Variants in PRELID2 observed in about 807,000 individuals in gnomAD.
The protein encoded by PRELID2 is PRELI domain-containing protein 2.
Under a neutral mutation model 28.4 loss-of-function variants are expected in PRELID2, and 25 were observed. That is an observed-to-expected ratio of 0.88 (90% CI 0.64 to 1.23). The LOEUF (loss-of-function observed/expected upper bound fraction) is 1.23, where lower values mean the gene tolerates loss of function less well. PRELID2 is among the 50% of genes most tolerant of loss of function. PRELID2 has a pLI of 0.00. For synonymous variants in PRELID2, 76 were observed against 71.6 expected (o/e 1.06, Z -0.31); for missense variants, 201 against 214.4 (o/e 0.94, Z 0.39).
At chr5:145,404,081 C>G in the PRELID2 span, among the ~76,000 whole-genome samples, 1 of 152,174 alleles carries the variant, frequency 6.6e-6, no homozygotes, top group African/African-American at 2.4e-5. Context: ...ATATCAACAA[C>G]GGCACCTGTG....
intron 1 of PRELID2, among the ~76,000 whole-genome samples, chr5:145,581,080 G>C (rs149651115): frequency 6.6e-6 from 1 of 151,890 alleles, no homozygotes; most frequent in East Asian, 1.9e-4. Flanking sequence ...GAAAACACCA[G>C]ACTTTTGTCT....
At chr5:145,416,368 A>T in the PRELID2 span, among the ~76,000 whole-genome samples, 1 of 152,090 alleles carries the variant, frequency 6.6e-6, no homozygotes, top group East Asian at 1.9e-4. Flanking sequence ...CAAGGACTTC[A>T]TGTCTAAAAC....
chr5:145,728,760 T>C, intron 1 of PRELID2: 1 of 1,411,400 alleles, frequency 7.1e-7, no homozygotes, highest in Non-Finnish European at 1.0e-6. Flanking sequence ...GAAGGCTTCA[T>C]TTTGTTTTGC....
At chr5:145,327,971 T>C in the PRELID2 span, among the ~76,000 whole-genome samples, 24 of 152,110 alleles carry the variant, frequency 1.6e-4, no homozygotes, top group Non-Finnish European at 2.8e-4. Flanking sequence ...TATGTGATGT[T>C]CCCCTCCCGG....
intron 1 of PRELID2, among the ~76,000 whole-genome samples, chr5:145,577,124 C>G (rs74796977): frequency 0.071 from 10,854 of 152,128 alleles, 578 homozygotes; most frequent in Admixed American, 0.18. Context: ...TCAGACAAAA[C>G]TAGCTTGCAA....
the PRELID2 span, among the ~76,000 whole-genome samples, chr5:145,414,813 T>C: frequency 6.6e-6 from 1 of 152,188 alleles, no homozygotes; most frequent in Non-Finnish European, 1.5e-5. Context: ...CTTGAAATAA[T>C]ATGCAGCACA....
intron 1 of PRELID2, among the ~76,000 whole-genome samples, chr5:145,506,882 T>A (rs752411744): frequency 2.0e-5 from 3 of 152,196 alleles, no homozygotes; most frequent in Non-Finnish European, 2.9e-5. Context: ...TGACCACCTG[T>A]GCTCAGGTCA....
chr5:145,751,925 T>C (rs956061254), downstream of PRELID2, among the ~76,000 whole-genome samples: 4 of 152,152 alleles, frequency 2.6e-5, no homozygotes, highest in Admixed American at 6.5e-5. Context: ...GAGGTTGCAG[T>C]GAGCTGAGAT....
chr5:145,375,163 T>TTC, the PRELID2 span, among the ~76,000 whole-genome samples: 502 of 152,176 alleles, frequency 3.3e-3, 4 homozygotes, highest in African/African-American at 0.012. Context: ...AATGCAGTTT[T>TTC]TGTGGGGGCT....
At chr5:145,340,036 C>A in the PRELID2 span, among the ~76,000 whole-genome samples, 2 of 152,230 alleles carry the variant, frequency 1.3e-5, no homozygotes, top group Admixed American at 1.3e-4. Context: ...CACACCTGAG[C>A]ATTCCACCAG....
chr5:145,405,702 G>GTTTT, the PRELID2 span, among the ~76,000 whole-genome samples: 8 of 54,620 alleles, frequency 1.5e-4, no homozygotes, highest in South Asian at 5.2e-4. Context: ...CCACATAGTT[G>GTTTT]TTTTTTTTTT....
intron 1 of PRELID2, among the ~76,000 whole-genome samples, chr5:145,680,929 T>G (rs770949303): frequency 8.5e-5 from 13 of 152,352 alleles, no homozygotes; most frequent in Non-Finnish European, 1.8e-4. Flanking sequence ...GTGCTGTTTT[T>G]ATGAGGAGTT....
intron 4 of PRELID2, among the ~76,000 whole-genome samples, chr5:145,799,235 AAAAAAAAC>A (rs1475691091): frequency 1.3e-5 from 2 of 151,072 alleles, no homozygotes; most frequent in East Asian, 3.9e-4. Flanking sequence ...ATTAAAAAAA[AAAAAAAAC>A]CTACAAGACA....
At chr5:145,245,901 T>C in the PRELID2 span, among the ~76,000 whole-genome samples, 8 of 152,084 alleles carry the variant, frequency 5.3e-5, no homozygotes, top group African/African-American at 1.9e-4. Flanking sequence ...TCAACACATT[T>C]TTATTTTTGT....
chr5:145,295,475 G>T, the PRELID2 span, among the ~76,000 whole-genome samples: 6 of 152,086 alleles, frequency 3.9e-5, no homozygotes, highest in Non-Finnish European at 7.4e-5. Flanking sequence ...CTGTTTTGCT[G>T]CAATAAACAA....
At chr5:145,333,114 A>T in the PRELID2 span, among the ~76,000 whole-genome samples, 3 of 152,186 alleles carry the variant, frequency 2.0e-5, no homozygotes, top group Non-Finnish European at 4.4e-5. Context: ...AGAACAGCAA[A>T]GATTGCTGCC....
At chr5:145,470,581 G>T (rs1752045506), downstream of PRELID2, among the ~76,000 whole-genome samples, 1 of 152,110 alleles carries the variant, frequency 6.6e-6, no homozygotes, top group Non-Finnish European at 1.5e-5. Context: ...TGCTTATGGA[G>T]CTGGGAAATG....
At chr5:145,624,887 T>TA (rs1442958002) in intron 1 of PRELID2, among the ~76,000 whole-genome samples, 3 of 151,998 alleles carry the variant, frequency 2.0e-5, no homozygotes, top group East Asian at 1.9e-4. Context: ...AAATCAATGA[T>TA]AAAAAATTAA....
intron 4 of PRELID2, among the ~76,000 whole-genome samples, chr5:145,813,308 C>G (rs1368439504): frequency 1.3e-5 from 2 of 152,190 alleles, no homozygotes; most frequent in Non-Finnish European, 2.9e-5. Flanking sequence ...GATGCCCCCA[C>G]CCCATCCCAT....
Sources: allele counts gnomAD v4.1 joint callset (sites outside exome capture counted in the v4.1 genomes callset), GRCh38; gene constraint gnomAD v4.1.1; transcripts MANE v1.5; gene names NCBI Gene and HGNC (gene_info 2026-07-23, HGNC 2026-07-21).